Variants in MSR1 observed in about 807,000 individuals in gnomAD.
MSR1 encodes the protein macrophage scavenger receptor types I and II.
A neutral mutation model predicts 47.2 loss-of-function variants in MSR1; 53 were observed. The observed-to-expected ratio is 1.12, with a 90% CI of 0.90 to 1.41. The LOEUF (loss-of-function observed/expected upper bound fraction) is 1.41. MSR1 is among the 40% of genes most tolerant of loss of function. The pLI is 0.00. For synonymous variants in MSR1, 239 were observed against 185.6 expected, an observed-to-expected ratio of 1.29 and a Z score of -2.34; for missense variants, 786 against 546.9, an observed-to-expected ratio of 1.44 and a Z score of -4.36.
In MSR1 at chr8:16,108,577, T is replaced by C. The variant is rs1224242986; in HGVS notation, c.*1508A>G. 1 of 152,136 alleles carries C rather than the reference T, an allele frequency of 6.6e-6. No individual in the cohort carries two copies. Among genetic ancestry groups the C allele is most frequent in the Admixed American group, 6.5e-5 (1 of 15,278 alleles). 9.4% of individuals were successfully genotyped at this position (152,136 alleles called of 1,614,324 possible). On this transcript the variant is annotated 3_prime_UTR_variant, in exon 10 of 10. Transcript: ENST00000262101. ...GAACTGAACACAAAGAATTATTAAC[T>C]AGCTGAAATTACAGCCAGGGTTTGA...
At chr8:16,183,380 G>C (rs1289622185) in intron 1 of MSR1, among the ~76,000 whole-genome samples, 1 of 151,390 alleles carries the variant, frequency 6.6e-6, no homozygotes, top group African/African-American at 2.4e-5. Flanking sequence ...TCCACATTAT[G>C]TCACTACAGC....
intron 8 of MSR1, chr8:16,121,202 T>A (rs1799998289): frequency 2.5e-6 from 1 of 407,654 alleles, no homozygotes; most frequent in African/African-American, 2.1e-5. Context: ...ATTTTTGTGT[T>A]TTTCCTCTTT....
chr8:16,153,902 C>T (rs866197650), intron 6 of MSR1, among the ~76,000 whole-genome samples: 1 of 151,848 alleles, frequency 6.6e-6, no homozygotes, highest in Non-Finnish European at 1.5e-5. Context: ...AAAGACTTTC[C>T]TGAATAAAAA....
rs190673245 is a variant in MSR1, at chr8:16,169,955, T to A, written c.218-1085A>T. Among the ~76,000 whole-genome samples, 4 of 152,240 alleles carry A rather than the reference T, an allele frequency of 2.6e-5. No individual in the cohort carries two copies. In the East Asian group the frequency reaches 7.7e-4, roughly 29 times the overall value. On this transcript the variant is annotated intron_variant, in intron 3 of 9. Coordinates refer to ENST00000262101, the MANE Select transcript of MSR1 (RefSeq NM_138715.3). ...TGAGCTGCTGATAGATATCCCCAAA[T>A]GGGCATATGTTCTCTAAACAATCTA...
At chr8:16,180,556 T>A (rs1347511488) in intron 1 of MSR1, among the ~76,000 whole-genome samples, 1 of 152,182 alleles carries the variant, frequency 6.6e-6, no homozygotes, top group African/African-American at 2.4e-5. Flanking sequence ...AAAGCCAACA[T>A]CTTCTGATCA....
rs116330971 is a variant in MSR1 at position 16,130,991 on chromosome 8, T to C, written c.1034-10385A>G. Among the ~76,000 whole-genome samples the C allele has an allele frequency of 5.1e-3, 769 of 152,250 alleles. 8 individuals carry two copies. Among genetic ancestry groups the C allele is most frequent in the African/African-American group, 0.017 (727 of 41,552 alleles). On this transcript the variant is annotated intron_variant, in intron 8 of 9. Transcript: ENST00000262101. Reference sequence around the variant, plus strand: ...GAACGATTTGTATTCTTCGGGTATATACTCAGTAATGGGATTGCTGGGTCA... The same window carrying C: ...GAACGATTTGTATTCTTCGGGTATACACTCAGTAATGGGATTGCTGGGTCA...
At chr8:16,149,440 G>T (rs537200849) in intron 7 of MSR1, among the ~76,000 whole-genome samples, 1 of 151,602 alleles carries the variant, frequency 6.6e-6, no homozygotes. Flanking sequence ...TGTTGCTCAG[G>T]CTCGTCTCAA....
At chr8:16,133,751 A>G (rs1030713087) in intron 8 of MSR1, among the ~76,000 whole-genome samples, 4 of 152,152 alleles carry the variant, frequency 2.6e-5, no homozygotes, top group Admixed American at 6.5e-5. Context: ...ATCTTCTCCT[A>G]TAATTCTTCA....
At chr8:16,163,672 C>A (rs2117168121) in intron 5 of MSR1, among the ~76,000 whole-genome samples, 1 of 151,452 alleles carries the variant, frequency 6.6e-6, no homozygotes, top group African/African-American at 2.4e-5. Context: ...TCAAAAGATC[C>A]TTTTAATTAA....
chr8:16,173,895 C>T (rs1563165980), intron 3 of MSR1, among the ~76,000 whole-genome samples: 2 of 152,200 alleles, frequency 1.3e-5, no homozygotes, highest in Admixed American at 6.5e-5. Flanking sequence ...GTGATCTGCC[C>T]GCCTCGGCCT....
intron 8 of MSR1, chr8:16,120,808 C>T: frequency 1.5e-6 from 1 of 679,512 alleles, no homozygotes; most frequent in Non-Finnish European, 2.4e-6. Flanking sequence ...GCAGCTTTAA[C>T]AGCTGTTAAG....
At chr8:16,116,768 G>A (rs1799884578) in intron 9 of MSR1, among the ~76,000 whole-genome samples, 3 of 151,974 alleles carry the variant, frequency 2.0e-5, no homozygotes, top group South Asian at 4.1e-4. Context: ...ACAATTTTAG[G>A]ACAATAGTCT....
At chr8:16,155,261 A>G (rs1800974324) in intron 5 of MSR1, 117 bp from the exon 6 acceptor site, 1 of 726,940 alleles carries the variant, frequency 1.4e-6, no homozygotes, top group African/African-American at 1.8e-5. Context: ...GTGCAATAAT[A>G]TAGAATGTAT....
chr8:16,164,645 G>C (rs1314765329), intron 4 of MSR1, among the ~76,000 whole-genome samples: 1 of 151,894 alleles, frequency 6.6e-6, no homozygotes, highest in Non-Finnish European at 1.5e-5. Context: ...GAATTTGATA[G>C]ATTTATATTG....
chr8:16,124,034 C>A (rs531648964), intron 8 of MSR1, among the ~76,000 whole-genome samples: 1 of 152,260 alleles, frequency 6.6e-6, no homozygotes, highest in South Asian at 2.1e-4. Context: ...GTTACTGTCT[C>A]TTTCTCAGTG....
chr8:16,135,265 G>A (rs577078899), intron 8 of MSR1, among the ~76,000 whole-genome samples: 3 of 152,224 alleles, frequency 2.0e-5, no homozygotes, highest in South Asian at 2.1e-4. Flanking sequence ...CTTGTTAGGG[G>A]CTAATGCAGC....
chr8:16,169,698 A>ATGC (rs977724835), intron 3 of MSR1, among the ~76,000 whole-genome samples: 4 of 151,926 alleles, frequency 2.6e-5, no homozygotes, highest in African/African-American at 9.7e-5. Flanking sequence ...TTTTAATGTA[A>ATGC]TGCTCTATCA....
At chr8:16,160,219 G>GA (rs113879814) in intron 5 of MSR1, among the ~76,000 whole-genome samples, 11,858 of 151,984 alleles carry the variant, frequency 0.078, 1,332 homozygotes, top group African/African-American at 0.25. Flanking sequence ...CTCTGGCAAA[G>GA]AGTCATAAGA....
intron 8 of MSR1, chr8:16,140,868 C>T: frequency 6.3e-7 from 1 of 1,595,522 alleles, no homozygotes; most frequent in Non-Finnish European, 8.5e-7. Context: ...AAGTCAGGTA[C>T]AACACGGGAA....
Sources: gnomAD v4.1 joint callset for allele counts (sites outside exome capture counted in the v4.1 genomes callset) on GRCh38, gnomAD v4.1.1 for gene constraint, MANE v1.5 for transcripts, NCBI Gene and HGNC (gene_info 2026-07-23, HGNC 2026-07-21) for gene names.